RNF213: variants seen among roughly 807,000 people sequenced by gnomAD.
The protein encoded by RNF213 is ring finger protein 213.
RNF213 carries 341 observed loss-of-function variants against 514.4 expected under a neutral mutation model. The observed-to-expected ratio is 0.66, with a 90% confidence interval of 0.61 to 0.73. The LOEUF (loss-of-function observed/expected upper bound fraction) is 0.73, where lower values mean the gene tolerates loss of function less well. Among genes scored for constraint, RNF213 ranks in the 30% least tolerant of loss-of-function variants. The pLI is 0.00. For missense variants in RNF213, 5,767 were observed against 6,615.6 expected (o/e 0.87, Z 4.45); for synonymous variants, 2,655 against 2,658.2 (o/e 1.00, Z 0.04).
chr17:80,363,441 A>G, intron 40 of RNF213, 127 bp downstream of exon 40: 1 of 1,210,676 alleles, frequency 8.3e-7, no homozygotes, highest in Middle Eastern at 2.4e-4. Flanking sequence ...CCTTAGCTGA[A>G]TTCAGAGATG....
At chr17:80,321,174 T>C (rs1228868191) in intron 17 of RNF213, 1 of 152,248 alleles carries the variant, frequency 6.6e-6, no homozygotes, top group African/African-American at 2.4e-5. Context: ...CAAAATTCAC[T>C]TGTTTCATAT....
chr17:80,273,273 G>T lies in RNF213; in HGVS notation c.130G>T (p.Ala44Ser). The change falls in exon 3 of 68, where the codon GCC becomes TCC. Residue 44 changes from alanine (A) to serine (S), a missense_variant. By Grantham distance (99) the Ala-to-Ser change is moderately conservative. Around this residue, in one of 13 missense-constraint regions of RNF213, gnomAD observed 509 missense variants for 496.7 expected, o/e 1.02. Coordinates refer to ENST00000582970, the MANE Select transcript of RNF213 (RefSeq NM_001256071.3). ...GAACAATAACTCCACAATGGCGTCG[G>T]CCTCGGAGGGTGAAATGGAGTGTGG... ...SENNNSTMASASEGEMECGQE... is the reference protein window; with the variant it reads ...SENNNSTMASSSEGEMECGQE... The T allele has an allele frequency of 6.2e-7, 1 of 1,613,680 alleles. No homozygotes were observed. Among genetic ancestry groups the T allele is most frequent in the Non-Finnish European group, 8.5e-7 (1 of 1,180,006 alleles).
At chr17:80,354,793 T>C in intron 36 of RNF213, 3 of 606,406 alleles carry the variant, frequency 4.9e-6, no homozygotes, top group Non-Finnish European at 8.7e-6. Flanking sequence ...TAATTTCGTG[T>C]TTACAGTTTT....
At chr17:80,349,744 G>C (rs567116119) in intron 29 of RNF213, 26 bp from the exon 30 acceptor site, 1 of 1,613,714 alleles carries the variant, frequency 6.2e-7, no homozygotes, top group Non-Finnish European at 8.5e-7. Context: ...AGTCTGGCAA[G>C]TAATTTGCAT....
In RNF213 at chr17:80,385,255, G is replaced by A. The variant is rs557427023; in HGVS notation, c.14455+84G>A. The A allele has an allele frequency of 4.4e-4, 675 of 1,530,934 alleles. 5 individuals carry two copies. In the South Asian group the frequency reaches 4.8e-3, roughly 11 times the overall value. The allele number at this position is 1,530,934 out of a possible 1,614,324, so 94.8% of individuals were successfully genotyped here. On this transcript the variant is annotated intron_variant, in intron 60 of 67. Coordinates refer to ENST00000582970, the MANE Select transcript of RNF213 (RefSeq NM_001256071.3). ...ACTGCATAGGGGAACAGGGTGGGGC[G>A]GAGGGGAGGAGGCGCTGATGGGTGC...
rs200217989 is a variant in RNF213, at chr17:80,354,564, C to T, written c.10850C>T (p.Ala3617Val). 7.7e-5 allele frequency: 124 copies of T among 1,614,178 alleles called. No homozygotes were observed. Among genetic ancestry groups the T allele is most frequent in the Admixed American group, 1.7e-4 (10 of 60,028 alleles). ...EACNQDALQE[A>V]GTFRHTLWKR... The stretch of plus-strand genomic sequence containing the variant: ...TGCAACCAGGACGCTCTCCAGGAGG[C>T]GGGCACATTCAGGTACTGTGACTAA... The change falls in exon 36 of 68, where the codon GCG becomes GTG. Residue 3617 changes from alanine (A) to valine (V), a missense_variant. Coordinates refer to ENST00000582970, the MANE Select transcript of RNF213 (RefSeq NM_001256071.3).
At chr17:80,318,304 C>T (rs1044587385) in intron 16 of RNF213, among the ~76,000 whole-genome samples, 1 of 152,210 alleles carries the variant, frequency 6.6e-6, no homozygotes, top group Non-Finnish European at 1.5e-5. Flanking sequence ...TCACTTTGGG[C>T]CATGGGTTTC....
At chr17:80,374,108 C>T (rs1279693496) in intron 49 of RNF213, among the ~76,000 whole-genome samples, 1 of 151,812 alleles carries the variant, frequency 6.6e-6, no homozygotes, top group East Asian at 1.9e-4. Flanking sequence ...AAAAATGGTA[C>T]TAAGAACCCC....
chr17:80,386,966 A>G, intron 63 of RNF213, 75 bp downstream of exon 63: 1 of 1,411,958 alleles, frequency 7.1e-7, no homozygotes. Context: ...GTGTTTCTCG[A>G]GAGAGGGAAG....
intron 54 of RNF213, among the ~76,000 whole-genome samples, chr17:80,378,868 G>A (rs2079867510): frequency 6.6e-6 from 1 of 152,152 alleles, no homozygotes; most frequent in Admixed American, 6.5e-5. Flanking sequence ...TATGTGATTA[G>A]ATTTTTTTAA....
intron 3 of RNF213, among the ~76,000 whole-genome samples, chr17:80,273,853 C>T (rs1344873608): frequency 6.6e-6 from 1 of 151,922 alleles, no homozygotes; most frequent in Non-Finnish European, 1.5e-5. Context: ...CTCCTGACCT[C>T]AGGAGATCCA....
intron 10 of RNF213, among the ~76,000 whole-genome samples, chr17:80,296,588 C>G (rs1309708621): frequency 6.6e-6 from 1 of 152,232 alleles, no homozygotes; most frequent in Non-Finnish European, 1.5e-5. Context: ...TCTGCACTCT[C>G]TCTGCGTGTG....
intron 1 of RNF213, among the ~76,000 whole-genome samples, 173 bp downstream of exon 1, chr17:80,261,075 G>T (rs1278306590): frequency 6.6e-6 from 1 of 151,976 alleles, no homozygotes; most frequent in Non-Finnish European, 1.5e-5. Context: ...GCCCGGTCCA[G>T]CCCCGCCCGC....
At chr17:80,289,592 GAAAA>G (rs747519394) in intron 5 of RNF213, 63 bp from the exon 6 acceptor site, 145 of 1,307,576 alleles carry the variant, frequency 1.1e-4, no homozygotes, top group Admixed American at 3.4e-4. Flanking sequence ...CTCTGTCTCA[GAAAA>G]AAAAAAAAAA....
intron 3 of RNF213, among the ~76,000 whole-genome samples, chr17:80,283,387 G>T (rs1269259541): frequency 6.6e-6 from 1 of 152,210 alleles, no homozygotes; most frequent in Admixed American, 6.5e-5. Context: ...AAGAGGTTCT[G>T]GGATGGCGGC....
At chr17:80,289,550 A>G in intron 5 of RNF213, 109 bp from the exon 6 acceptor site, 1 of 1,188,630 alleles carries the variant, frequency 8.4e-7, no homozygotes, top group Non-Finnish European at 1.2e-6. Flanking sequence ...AGATCGCAGT[A>G]CTGCACTCCA....
chr17:80,319,621 A>G (rs2046071301), intron 17 of RNF213: 7 of 1,530,614 alleles, frequency 4.6e-6, no homozygotes, highest in African/African-American at 1.4e-5. Flanking sequence ...CCCTGTCATC[A>G]CTGTGGCTGC....
Position 80,343,473 on chromosome 17 carries a change from GTGT to G in RNF213, c.6183+152_6183+154del, listed in dbSNP as rs2078220530. 1.2e-6 allele frequency: 1 copy of G among 809,610 alleles called. No homozygotes were observed. Among genetic ancestry groups the G allele is most frequent in the Admixed American group, 2.0e-5 (1 of 48,884 alleles). The allele number at this position is 809,610 out of a possible 1,614,324, so 50.2% of individuals were successfully genotyped here. On this transcript the variant is annotated intron_variant, in intron 27 of 67. Coordinates refer to ENST00000582970, the MANE Select transcript of RNF213 (RefSeq NM_001256071.3). This position sits in a 1 kb window ranked among gnomAD's most constrained non-coding sequence, Gnocchi z 4.3. ...ACAGTGGGAATGTGCTCTGAGAAGT[GTGT>G]TGTCAGGCAGTTTCCTCCTTGTGTG... is the stretch of plus-strand genomic sequence containing the variant.
Position 80,389,821 on chromosome 17 carries a change from T to C in RNF213, c.15196-7T>C. 1 of 1,613,410 alleles carries C rather than the reference T, an allele frequency of 6.2e-7. No individual in the cohort carries two copies. The highest frequency in any genetic ancestry group is 8.5e-7 in the Non-Finnish European group (1 of 1,179,712). On this transcript the variant is annotated splice_polypyrimidine_tract_variant and splice_region_variant and intron_variant, in intron 65 of 67. Transcript: ENST00000582970. ...GCCCCCACTCAGGAATTCTATTCCT[T>C]CTGCAGGCCTTAAACAGATGCCAGT... is the stretch of plus-strand genomic sequence containing the variant.
Sources: gnomAD v4.1 joint callset for allele counts (sites outside exome capture counted in the v4.1 genomes callset) on GRCh38, gnomAD v4.1.1 for gene constraint, gnomAD v4.1.1 regional missense constraint, Gnocchi (gnomAD v3.1) non-coding constraint, MANE v1.5 for transcripts, NCBI Gene and HGNC (gene_info 2026-07-23, HGNC 2026-07-21) for gene names.